Variants in MYO3A observed in about 807,000 individuals in gnomAD.
MYO3A encodes myosin-IIIa.
A neutral mutation model predicts 192.7 loss-of-function variants in MYO3A; 180 were observed. That is an observed-to-expected ratio of 0.93 (90% CI 0.83 to 1.06). MYO3A has a LOEUF of 1.06. Among genes scored for constraint, MYO3A ranks in the 50% least tolerant of loss-of-function variants. The pLI is 0.00. For synonymous variants in MYO3A, 628 were observed against 645.3 expected, an observed-to-expected ratio of 0.97 and a Z score of 0.41; for missense variants, 1,896 against 1,905.0, an observed-to-expected ratio of 1.00 and a Z score of 0.09.
chr10:26,193,343 G>GGCTC, intron 32 of MYO3A, 32 bp downstream of exon 32: 1 of 1,504,698 alleles, frequency 6.6e-7, no homozygotes, highest in Non-Finnish European at 9.2e-7. Flanking sequence ...TCAGATGGGA[G>GGCTC]CCATCACATC....
chr10:26,127,558 C>T (rs1055773787), intron 19 of MYO3A, among the ~76,000 whole-genome samples: 17 of 152,068 alleles, frequency 1.1e-4, no homozygotes, highest in Non-Finnish European at 2.1e-4. Flanking sequence ...AAATGTAGAG[C>T]GGATCCTTCA....
chr10:26,137,766 C>T (rs1839934690), intron 20 of MYO3A, among the ~76,000 whole-genome samples: 1 of 152,134 alleles, frequency 6.6e-6, no homozygotes, highest in South Asian at 2.1e-4. Flanking sequence ...TAATCGGCTG[C>T]TCTGGGAATG....
intron 6 of MYO3A, among the ~76,000 whole-genome samples, chr10:26,009,130 A>G (rs1034552644): frequency 2.0e-4 from 30 of 149,226 alleles, no homozygotes; most frequent in African/African-American, 7.7e-4. Flanking sequence ...TGCAAGAACA[A>G]AAAACCAAAC....
At chr10:26,150,212 C>A (rs1180778796) in intron 23 of MYO3A, among the ~76,000 whole-genome samples, 1 of 152,060 alleles carries the variant, frequency 6.6e-6, no homozygotes, top group African/African-American at 2.4e-5. Context: ...ATGCATTGTA[C>A]TTTTTATATA....
At chr10:25,958,547 T>G (rs1412414081) in intron 4 of MYO3A, among the ~76,000 whole-genome samples, 1 of 152,184 alleles carries the variant, frequency 6.6e-6, no homozygotes, top group Non-Finnish European at 1.5e-5. Context: ...TTTGTTTTTT[T>G]GCTTAGGATT....
chr10:26,014,535 G>C (rs116349581), intron 6 of MYO3A, among the ~76,000 whole-genome samples: 1,646 of 152,112 alleles, frequency 0.011, 25 homozygotes, highest in African/African-American at 0.036. Context: ...GAAATATCCA[G>C]AATATAGTCT....
At chr10:26,133,033 A>G (rs370856929) in intron 20 of MYO3A, among the ~76,000 whole-genome samples, 7 of 152,348 alleles carry the variant, frequency 4.6e-5, no homozygotes, top group African/African-American at 1.7e-4. Context: ...AAAACCAGTC[A>G]TTTGATTTTT....
chr10:25,944,461 GAGA>G (rs1836705762), intron 2 of MYO3A, among the ~76,000 whole-genome samples: 1 of 152,004 alleles, frequency 6.6e-6, no homozygotes, highest in African/African-American at 2.4e-5. Context: ...GGAAGAGTTT[GAGA>G]AGGATTGTCG....
chr10:26,138,642 G>A (rs924227916), intron 20 of MYO3A, among the ~76,000 whole-genome samples: 3 of 152,178 alleles, frequency 2.0e-5, no homozygotes, highest in Non-Finnish European at 2.9e-5. Flanking sequence ...TACTTCGTAT[G>A]CCACAGAGAG....
At chr10:26,088,161 A>AT (rs1256713083) in intron 14 of MYO3A, 42 bp from the exon 15 acceptor site, 1 of 1,450,164 alleles carries the variant, frequency 6.9e-7, no homozygotes, top group African/African-American at 1.4e-5. Flanking sequence ...TACCAAATTA[A>AT]TTTTTTATGT....
chr10:26,168,857 C>A lies in MYO3A; in HGVS notation c.3257C>A (p.Ala1086Asp). The change falls in exon 28 of 35, where the codon GCT becomes GAT. Residue 1086 changes from alanine to aspartate, a missense_variant. Physicochemically the swap from Ala to Asp is moderately radical, Grantham distance 126 (BLOSUM62 -2). Coordinates refer to ENST00000642920, the MANE Select transcript of MYO3A (RefSeq NM_017433.5). Reference protein sequence around the residue: ...QKIQEKRKESAIIIQSAARGH... With the variant: ...QKIQEKRKESDIIIQSAARGH... The stretch of plus-strand genomic sequence containing the variant: ...ATACAGGAGAAAAGGAAAGAAAGCG[C>A]TATAATAATACAGTCAGGTAATCTC... 6.2e-7 allele frequency: 1 copy of A among 1,610,868 alleles called. No individual in the cohort carries two copies.
chr10:25,935,292 G>T (rs1835983779), intron 1 of MYO3A, among the ~76,000 whole-genome samples: 1 of 152,128 alleles, frequency 6.6e-6, no homozygotes, highest in African/African-American at 2.4e-5. Context: ...CCAAGTAGTT[G>T]CTAACTCGCA....
intron 29 of MYO3A, among the ~76,000 whole-genome samples, chr10:26,173,084 T>C (rs112315180): frequency 1.8e-3 from 275 of 152,044 alleles, no homozygotes; most frequent in African/African-American, 5.8e-3. Flanking sequence ...AGAGAAAACC[T>C]TATCTTCAAG....
rs544641222 is a variant in MYO3A, at chr10:26,028,947, G to A, written c.953+2415G>A. Reference sequence around the variant, plus strand: ...TGCTTGCCCAAATTTTGCCTTGGAGGAAACATTAGCTTTACCATCCTGGAC... The same window carrying A: ...TGCTTGCCCAAATTTTGCCTTGGAGAAAACATTAGCTTTACCATCCTGGAC... On this transcript the variant is annotated intron_variant, in intron 10 of 34. Coordinates refer to ENST00000642920, the MANE Select transcript of MYO3A (RefSeq NM_017433.5). Among the ~76,000 whole-genome samples, 6 of 152,060 alleles carry A rather than the reference G, an allele frequency of 3.9e-5. No homozygotes were observed. The South Asian group carries it at 1.2e-3, about 32-fold the overall frequency.
At chr10:26,151,347 A>G (rs1589041913) in intron 23 of MYO3A, among the ~76,000 whole-genome samples, 1 of 151,868 alleles carries the variant, frequency 6.6e-6, no homozygotes, top group Admixed American at 6.6e-5. Flanking sequence ...CTTAAGCTAT[A>G]TTATTAGGTA....
At chr10:26,151,712 A>G (rs974745079) in intron 23 of MYO3A, among the ~76,000 whole-genome samples, 1 of 151,930 alleles carries the variant, frequency 6.6e-6, no homozygotes, top group African/African-American at 2.4e-5. Context: ...TCATCTTGCC[A>G]CTTGTTTTCT....
At chr10:26,161,208 G>T (rs1841471686) in intron 26 of MYO3A, among the ~76,000 whole-genome samples, 1 of 152,186 alleles carries the variant, frequency 6.6e-6, no homozygotes, top group South Asian at 2.1e-4. Flanking sequence ...ACAATTTTCA[G>T]AGGTTCTATG....
intron 6 of MYO3A, among the ~76,000 whole-genome samples, chr10:26,008,578 G>C (rs2130986015): frequency 6.6e-6 from 1 of 151,396 alleles, no homozygotes; most frequent in South Asian, 2.1e-4. Context: ...GATATGAACA[G>C]ACACTTCTCA....
At position 26,066,883 on chromosome 10, in the gene MYO3A, C is replaced by G. The variant is rs1052983959; in HGVS notation, c.954-92C>G. ...TATCATTGAATTTAATAAACAGATT[C>G]CTAGAGGATTTTCAGTATCATATGT... On this transcript the variant is annotated intron_variant, in intron 10 of 34. Coordinates refer to ENST00000642920, the MANE Select transcript of MYO3A (RefSeq NM_017433.5). The G allele has an allele frequency of 2.0e-5, 16 of 797,036 alleles. No individual in the cohort carries two copies. In the African/African-American group the frequency reaches 2.6e-4, roughly 13 times the overall value. 49.4% of individuals were successfully genotyped at this position (797,036 alleles called of 1,614,324 possible).
Sources: gnomAD v4.1 joint callset for allele counts (sites outside exome capture counted in the v4.1 genomes callset) on GRCh38, gnomAD v4.1.1 for gene constraint, MANE v1.5 for transcripts, NCBI Gene and HGNC (gene_info 2026-07-23, HGNC 2026-07-21) for gene names.